NFIA: variants seen among roughly 807,000 people sequenced by gnomAD.
NFIA encodes the protein nuclear factor 1 A-type.
Under a neutral mutation model 62.8 loss-of-function variants are expected in NFIA, and 8 were observed. That is an observed-to-expected ratio of 0.13 (90% CI 0.07 to 0.23). NFIA has a LOEUF of 0.23. NFIA is among the 10% of genes least tolerant of loss of function. The pLI is 1.00. For synonymous variants in NFIA, 235 were observed against 238.1 expected, an observed-to-expected ratio of 0.99 and a Z score of 0.12; for missense variants, 410 against 642.1, an observed-to-expected ratio of 0.64 and a Z score of 3.91.
chr1:61,261,696 C>T (rs1358097479), intron 2 of NFIA, among the ~76,000 whole-genome samples: 1 of 152,200 alleles, frequency 6.6e-6, no homozygotes, highest in African/African-American at 2.4e-5. Flanking sequence ...GGAAATGTTA[C>T]AGGCCTAATG....
At chr1:61,321,650 A>AT (rs1231216843) in intron 3 of NFIA, among the ~76,000 whole-genome samples, 2 of 151,926 alleles carry the variant, frequency 1.3e-5, no homozygotes, top group African/African-American at 4.8e-5. Context: ...TTAACCCCTC[A>AT]TTTTTTTATT....
intron 7 of NFIA, among the ~76,000 whole-genome samples, chr1:61,401,113 G>A (rs1665539556): frequency 6.6e-6 from 1 of 152,316 alleles, no homozygotes; most frequent in East Asian, 1.9e-4. Context: ...TTTCTCTCCA[G>A]TTGCACAGTG....
intron 2 of NFIA, among the ~76,000 whole-genome samples, chr1:61,190,636 G>A (rs1021943059): frequency 6.6e-6 from 1 of 151,984 alleles, no homozygotes; most frequent in African/African-American, 2.4e-5. Flanking sequence ...ATACCTGATT[G>A]TGTCTAGGCA....
chr1:61,405,575 G>A (rs1056989119), intron 8 of NFIA, among the ~76,000 whole-genome samples: 3 of 152,108 alleles, frequency 2.0e-5, no homozygotes, highest in African/African-American at 7.2e-5. Context: ...GTTGTCGTTG[G>A]TTGAATAGAG....
chr1:61,115,961 A>G (rs1311140080), intron 2 of NFIA, among the ~76,000 whole-genome samples: 1 of 151,508 alleles, frequency 6.6e-6, no homozygotes, highest in African/African-American at 2.4e-5. Flanking sequence ...TTCACTCTGC[A>G]GCTGGATTCT....
chr1:61,394,919 G>A (rs1468134976), intron 7 of NFIA, among the ~76,000 whole-genome samples: 1 of 152,046 alleles, frequency 6.6e-6, no homozygotes, highest in African/African-American at 2.4e-5. Context: ...AACCAGCCTG[G>A]GTGACAATGA....
At chr1:61,196,964 G>A (rs1442950347) in intron 2 of NFIA, among the ~76,000 whole-genome samples, 1 of 151,514 alleles carries the variant, frequency 6.6e-6, no homozygotes, top group African/African-American at 2.4e-5. Flanking sequence ...GTGTGTGTGT[G>A]ATGCATATGT....
intron 3 of NFIA, among the ~76,000 whole-genome samples, chr1:61,323,345 G>C (rs761343561): frequency 6.6e-6 from 1 of 152,166 alleles, no homozygotes; most frequent in Admixed American, 6.6e-5. Context: ...AGATATAGAA[G>C]TGTTTCAGCC....
chr1:61,365,169 A>G (rs1435278613), intron 6 of NFIA, among the ~76,000 whole-genome samples: 2 of 152,228 alleles, frequency 1.3e-5, no homozygotes, highest in Non-Finnish European at 2.9e-5. Context: ...CCTGAGCAAC[A>G]GAGTGAGACC....
At chr1:61,430,348 G>A (rs970399126) in intron 10 of NFIA, among the ~76,000 whole-genome samples, 6 of 152,190 alleles carry the variant, frequency 3.9e-5, no homozygotes, top group Admixed American at 1.3e-4. Flanking sequence ...CATGTTAATT[G>A]TGGAAAATAC....
intron 2 of NFIA, among the ~76,000 whole-genome samples, chr1:61,196,179 A>T (rs1651977890): frequency 6.6e-6 from 1 of 152,180 alleles, no homozygotes; most frequent in Non-Finnish European, 1.5e-5. Flanking sequence ...GTATCTTCTG[A>T]GAAAATTATA....
At chr1:61,133,697 A>G (rs1353662390) in intron 2 of NFIA, among the ~76,000 whole-genome samples, 3 of 152,308 alleles carry the variant, frequency 2.0e-5, no homozygotes, top group East Asian at 1.9e-4. Flanking sequence ...TCTGTTTTTT[A>G]TAAAAAACTG....
intron 6 of NFIA, among the ~76,000 whole-genome samples, chr1:61,382,710 A>C (rs1664480772): frequency 6.6e-6 from 1 of 152,078 alleles, no homozygotes; most frequent in Non-Finnish European, 1.5e-5. Context: ...AGATTTTTTT[A>C]CTTTTCTTTT....
chr1:61,162,505 C>CT (rs1649283037), intron 2 of NFIA, among the ~76,000 whole-genome samples: 1 of 152,170 alleles, frequency 6.6e-6, no homozygotes, highest in East Asian at 1.9e-4. Flanking sequence ...TTCTTTTACC[C>CT]AAGGCCTGGG....
At chr1:61,344,715 A>G (rs1301763946) in intron 4 of NFIA, among the ~76,000 whole-genome samples, 1 of 152,228 alleles carries the variant, frequency 6.6e-6, no homozygotes, top group Non-Finnish European at 1.5e-5. Context: ...CTCTCTGAGG[A>G]TATGTACTAT....
At chr1:61,439,440 A>C (rs576285495) in intron 10 of NFIA, 1 of 152,052 alleles carries the variant, frequency 6.6e-6, no homozygotes, top group South Asian at 2.1e-4. Flanking sequence ...CTACATTATT[A>C]ATTGTGACAG....
intron 3 of NFIA, among the ~76,000 whole-genome samples, chr1:61,326,652 G>A (rs1217585136): frequency 6.6e-6 from 1 of 152,250 alleles, no homozygotes; most frequent in African/African-American, 2.4e-5. Context: ...AATCACGTAC[G>A]GCAGGTCCCA....
At chr1:61,109,023 T>C (rs546000450) in intron 2 of NFIA, among the ~76,000 whole-genome samples, 1 of 151,980 alleles carries the variant, frequency 6.6e-6, no homozygotes, top group Non-Finnish European at 1.5e-5. Flanking sequence ...GATACTGTGT[T>C]GTGTGGCTCA....
intron 2 of NFIA, among the ~76,000 whole-genome samples, chr1:61,131,708 A>G (rs1023451507): frequency 1.3e-5 from 2 of 152,186 alleles, no homozygotes; most frequent in African/African-American, 2.4e-5. Context: ...AGGCTACTCT[A>G]TGATAACTAT....
Sources: allele counts gnomAD v4.1 joint callset (sites outside exome capture counted in the v4.1 genomes callset), GRCh38; gene constraint gnomAD v4.1.1; transcripts MANE v1.5; gene names NCBI Gene and HGNC (gene_info 2026-07-23, HGNC 2026-07-21).